Variants in ROCK2 observed in about 807,000 individuals in gnomAD.
ROCK2 encodes rho-associated protein kinase 2.
Under a neutral mutation model 195.1 loss-of-function variants are expected in ROCK2, and 61 were observed. The observed-to-expected ratio is 0.31, with a 90% CI of 0.25 to 0.39. The LOEUF (loss-of-function observed/expected upper bound fraction) is 0.39, where lower values mean the gene tolerates loss of function less well. Among genes scored for constraint, ROCK2 ranks in the 10% least tolerant of loss-of-function variants. The pLI is 1.00. For missense variants in ROCK2, 1,109 were observed against 1,637.4 expected (o/e 0.68, Z 5.57); for synonymous variants, 504 against 545.5 (o/e 0.92, Z 1.06).
At chr2:11,278,645 C>T (rs1666904297) in intron 3 of ROCK2, among the ~76,000 whole-genome samples, 1 of 152,140 alleles carries the variant, frequency 6.6e-6, no homozygotes, top group Admixed American at 6.5e-5. Flanking sequence ...CAGAGTCTCA[C>T]TCTGTCGCCC....
chr2:11,214,639 G>T (rs1558297456), intron 16 of ROCK2, among the ~76,000 whole-genome samples, 176 bp from the exon 17 acceptor site: 1 of 152,170 alleles, frequency 6.6e-6, no homozygotes, highest in Non-Finnish European at 1.5e-5. Flanking sequence ...TCTACTACCT[G>T]AAGAGTTTAA....
Position 11,210,195 on chromosome 2 carries a change from G to C in ROCK2, c.2203+1486C>G, listed in dbSNP as rs576866459. Among the ~76,000 whole-genome samples the C allele has an allele frequency of 9.2e-5, 14 of 152,158 alleles. No individual in the cohort carries two copies. In the East Asian group the frequency reaches 2.7e-3, roughly 29 times the overall value. ...TTTGAAAAAAATGGTAGTTAATACT[G>C]AATTGGTTCATTTTTATCAATTCAG... On this transcript the variant is annotated intron_variant, in intron 18 of 32. Transcript: ENST00000315872.
intron 1 of ROCK2, among the ~76,000 whole-genome samples, chr2:11,339,201 C>G (rs1267841517): frequency 6.6e-6 from 1 of 151,990 alleles, no homozygotes; most frequent in Non-Finnish European, 1.5e-5. Context: ...ACTAATATCT[C>G]CAATTTACTT....
intron 5 of ROCK2, among the ~76,000 whole-genome samples, chr2:11,227,781 A>G (rs1330983257): frequency 6.6e-6 from 1 of 152,224 alleles, no homozygotes; most frequent in Non-Finnish European, 1.5e-5. Context: ...CATTAGAGAA[A>G]GGAAGCTTTC....
At chr2:11,209,810 G>C (rs892647075) in intron 18 of ROCK2, among the ~76,000 whole-genome samples, 21 of 152,284 alleles carry the variant, frequency 1.4e-4, no homozygotes, top group African/African-American at 4.3e-4. Flanking sequence ...TGAATATTTA[G>C]TGTTTAATGA....
intron 23 of ROCK2, 105 bp from the exon 24 acceptor site, chr2:11,198,879 TTTTC>T: frequency 1.6e-6 from 1 of 639,600 alleles, no homozygotes; most frequent in Non-Finnish European, 2.5e-6. Context: ...AACCTCTTAT[TTTTC>T]TTTTTTTTTT....
At chr2:11,221,984 C>A in intron 8 of ROCK2, 99 bp downstream of exon 8, 1 of 698,288 alleles carries the variant, frequency 1.4e-6, no homozygotes, top group Non-Finnish European at 2.5e-6. Flanking sequence ...AATGAGTTAG[C>A]ATTAAGTGTT....
At chr2:11,278,528 A>G (rs890196142) in intron 3 of ROCK2, among the ~76,000 whole-genome samples, 1 of 152,242 alleles carries the variant, frequency 6.6e-6, no homozygotes, top group African/African-American at 2.4e-5. Flanking sequence ...GAACATGAGA[A>G]TGCAGATACC....
chr2:11,193,898 G>T, intron 29 of ROCK2, 41 bp from the exon 30 acceptor site: 2 of 1,112,064 alleles, frequency 1.8e-6, no homozygotes, highest in Non-Finnish European at 2.7e-6. Context: ...TATCACCCAA[G>T]GATCAAATTA....
chr2:11,223,295 AT>A, intron 7 of ROCK2, among the ~76,000 whole-genome samples: 1 of 152,310 alleles, frequency 6.6e-6, no homozygotes, highest in African/African-American at 2.4e-5. Context: ...AAGAAAAAAC[AT>A]TTTACAATGT....
chr2:11,239,516 G>A (rs192119855), intron 4 of ROCK2, among the ~76,000 whole-genome samples: 149 of 152,230 alleles, frequency 9.8e-4, no homozygotes, highest in African/African-American at 3.4e-3. Context: ...AGGATTCCAC[G>A]CCTATGTACC....
intron 3 of ROCK2, among the ~76,000 whole-genome samples, chr2:11,255,302 T>A (rs1665990848): frequency 6.8e-6 from 1 of 147,518 alleles, no homozygotes. Context: ...CCTGCAAGAG[T>A]TAAGGATGAA....
intron 32 of ROCK2, among the ~76,000 whole-genome samples, chr2:11,189,465 C>T (rs1663331874): frequency 6.6e-6 from 1 of 152,166 alleles, no homozygotes; most frequent in African/African-American, 2.4e-5. Flanking sequence ...CAATTTGCCT[C>T]TCTGATTGGT....
At chr2:11,195,104 G>C in intron 27 of ROCK2, 79 bp from the exon 28 acceptor site, 1 of 705,510 alleles carries the variant, frequency 1.4e-6, no homozygotes, top group Non-Finnish European at 2.3e-6. Context: ...ATTTTAATAT[G>C]AAATTTATAA....
At chr2:11,190,442 G>A (rs929602584) in intron 32 of ROCK2, among the ~76,000 whole-genome samples, 2 of 151,802 alleles carry the variant, frequency 1.3e-5, no homozygotes, top group Non-Finnish European at 2.9e-5. Flanking sequence ...TTTGGACTGG[G>A]AAAGGAAGGT....
Position 11,317,597 on chromosome 2 carries a change from TATATATA to T in ROCK2, c.141+26392_141+26398del, listed in dbSNP as rs1273313413. On this transcript the variant is annotated intron_variant, in intron 1 of 32. Coordinates refer to ENST00000315872, the MANE Select transcript of ROCK2 (RefSeq NM_004850.5). ...ACATTTATATATATATATATATATA[TATATATA>T]TATATATATTTTTTTTTTTTTTTAA... 4.6e-3 allele frequency among the ~76,000 whole-genome samples: 76 copies of T among 16,360 alleles called. 5 individuals are homozygous for T. Among genetic ancestry groups the T allele is most frequent in the African/African-American group, 9.3e-3 (49 of 5,246 alleles). 10.7% of individuals were successfully genotyped at this position (16,360 alleles called of 152,430 possible).
At chr2:11,239,017 G>C (rs1286990858) in intron 4 of ROCK2, among the ~76,000 whole-genome samples, 1 of 151,434 alleles carries the variant, frequency 6.6e-6, no homozygotes, top group African/African-American at 2.4e-5. Flanking sequence ...GATAGCTACA[G>C]CCAAAATATT....
In ROCK2 at chr2:11,235,803, T is replaced by C; in HGVS notation, c.622A>G (p.Met208Val). The change falls in exon 5 of 33, where the codon ATG becomes GTG. Residue 208 changes from methionine (M) to valine (V), a missense_variant. Met to Val is a conservative substitution (Grantham distance 21). Around this residue, in one of 6 missense-constraint regions of ROCK2, gnomAD observed 253 missense variants for 455.5 expected, o/e 0.56. Transcript: ENST00000315872. This position sits in a 1 kb window ranked among gnomAD's most constrained non-coding sequence, Gnocchi z 4.2. ...VVLALDAIHS[M>V]GLIHRDVKPD... ...TTCACATCTCTGTGTATTAAACCCATGGAGTGTATTGCATCCAGAGCAAGA... is the reference window on the plus strand; with the variant it reads ...TTCACATCTCTGTGTATTAAACCCACGGAGTGTATTGCATCCAGAGCAAGA... 2 of 1,614,046 alleles carry C rather than the reference T, an allele frequency of 1.2e-6. No homozygotes were observed. The highest frequency in any genetic ancestry group is 2.2e-5 in the East Asian group (1 of 44,854).
At chr2:11,332,529 G>A (rs1668802540) in intron 1 of ROCK2, among the ~76,000 whole-genome samples, 1 of 152,144 alleles carries the variant, frequency 6.6e-6, no homozygotes, top group African/African-American at 2.4e-5. Flanking sequence ...TAAAACAGTG[G>A]CCAACATCAT....
Sources: gnomAD v4.1 joint callset for allele counts (sites outside exome capture counted in the v4.1 genomes callset) on GRCh38, gnomAD v4.1.1 for gene constraint, gnomAD v4.1.1 regional missense constraint, Gnocchi (gnomAD v3.1) non-coding constraint, MANE v1.5 for transcripts, NCBI Gene and HGNC (gene_info 2026-07-23, HGNC 2026-07-21) for gene names.